PLA2G6: variants seen among roughly 807,000 people sequenced by gnomAD.
PLA2G6 encodes 85/88 kDa calcium-independent phospholipase A2.
Under a neutral mutation model 83.8 loss-of-function variants are expected in PLA2G6, and 62 were observed. The observed-to-expected ratio is 0.74, with a 90% CI of 0.60 to 0.91. The LOEUF is 0.91. PLA2G6 is among the 40% of genes least tolerant of loss of function. The pLI is 0.00. For missense variants in PLA2G6, 944 were observed against 1,102.0 expected (o/e 0.86, Z 2.03); for synonymous variants, 417 against 449.8 (o/e 0.93, Z 0.92).
At chr22:38,125,195 T>C (rs989184885) in intron 10 of PLA2G6, among the ~76,000 whole-genome samples, 6 of 151,936 alleles carry the variant, frequency 3.9e-5, no homozygotes, top group African/African-American at 1.5e-4. Context: ...TGCGCATGTG[T>C]ATGTGTGTGC....
chr22:38,144,468 A>G (rs559407069), intron 3 of PLA2G6: 1 of 152,054 alleles, frequency 6.6e-6, no homozygotes, highest in Admixed American at 6.6e-5. Flanking sequence ...CGTCTCTACT[A>G]AAAAACACAA....
At chr22:38,176,084 C>T (rs1419141082) in intron 1 of PLA2G6, among the ~76,000 whole-genome samples, 1 of 152,182 alleles carries the variant, frequency 6.6e-6, no homozygotes, top group East Asian at 1.9e-4. Flanking sequence ...TAACGGCCCA[C>T]AAGGGGTTCG....
intron 7 of PLA2G6, chr22:38,130,083 C>T (rs11570690): frequency 0.03 from 7,154 of 242,324 alleles, 148 homozygotes; most frequent in Non-Finnish European, 0.043. Flanking sequence ...ACCTGGAGGC[C>T]GGGCAGGGGC....
At position 38,132,760 on chromosome 22, in the gene PLA2G6, C is replaced by T. The variant is rs924744776; in HGVS notation, c.1077+71G>A. 6.0e-6 allele frequency: 8 copies of T among 1,337,976 alleles called. No homozygotes were observed. The Admixed American group carries it at 8.0e-5, about 13-fold the overall frequency. 82.9% of individuals were successfully genotyped at this position (1,337,976 alleles called of 1,614,324 possible). On this transcript the variant is annotated intron_variant, in intron 7 of 16. Transcript: ENST00000332509. The surrounding 1 kb of genome is among the most constrained non-coding windows in gnomAD (Gnocchi z 5.0). ...AGGAGGGAGACAGTGGGGAGGAGGG[C>T]TCCAGTCCGGACAGCCCTCCTGCAT...
At chr22:38,121,423 T>C (rs186100339) in intron 11 of PLA2G6, among the ~76,000 whole-genome samples, 3 of 152,320 alleles carry the variant, frequency 2.0e-5, no homozygotes, top group Non-Finnish European at 4.4e-5. Flanking sequence ...TGATTTTGTA[T>C]TATTTTCCTT....
intron 6 of PLA2G6, 51 bp from the exon 7 acceptor site, chr22:38,133,064 C>A: frequency 6.6e-7 from 1 of 1,508,408 alleles, no homozygotes; most frequent in Admixed American, 2.0e-5. Flanking sequence ...GGAGCTGCCG[C>A]ACCCCGGGAC....
chr22:38,117,165 C>T (rs2087257038), intron 12 of PLA2G6, among the ~76,000 whole-genome samples: 1 of 152,064 alleles, frequency 6.6e-6, no homozygotes, highest in Non-Finnish European at 1.5e-5. Flanking sequence ...CCTCAAAACC[C>T]AAAATAGGAA....
intron 7 of PLA2G6, chr22:38,130,090 G>A (rs2088117930): frequency 4.1e-6 from 1 of 244,978 alleles, no homozygotes; most frequent in South Asian, 5.5e-5. Flanking sequence ...GGCCGGGCAG[G>A]GGCGCAGAGC....
intron 9 of PLA2G6, among the ~76,000 whole-genome samples, chr22:38,127,750 C>T (rs1031880370): frequency 6.6e-6 from 1 of 152,212 alleles, no homozygotes; most frequent in Non-Finnish European, 1.5e-5. Flanking sequence ...GGGATGTCTC[C>T]CTGGGCACCA....
chr22:38,169,178 G>T, intron 2 of PLA2G6, 40 bp downstream of exon 2: 1 of 1,492,454 alleles, frequency 6.7e-7, no homozygotes, highest in Non-Finnish European at 9.3e-7. Flanking sequence ...ACGTGGGGGA[G>T]TGAAAGGAGA....
At chr22:38,171,172 CAAA>C (rs35530438) in intron 1 of PLA2G6, among the ~76,000 whole-genome samples, 13 of 105,024 alleles carry the variant, frequency 1.2e-4, no homozygotes, top group African/African-American at 2.0e-4. Flanking sequence ...AACTCCGTCT[CAAA>C]AAAAAAAAAA....
chr22:38,143,018 G>C (rs1487999639), intron 4 of PLA2G6, 87 bp downstream of exon 4: 2 of 1,243,534 alleles, frequency 1.6e-6, no homozygotes, highest in Non-Finnish European at 2.4e-6. Context: ...AGAGGCCTGA[G>C]AGTGACACCT....
Position 38,132,211 on chromosome 22 carries a change from C to A in PLA2G6, c.1077+620G>T. 1 of 413,868 alleles carries A rather than the reference C, an allele frequency of 2.4e-6. No homozygotes were observed. Among genetic ancestry groups the A allele is most frequent in the South Asian group, 1.7e-5 (1 of 57,946 alleles). 25.6% of individuals were successfully genotyped at this position (413,868 alleles called of 1,614,324 possible). On this transcript the variant is annotated intron_variant, in intron 7 of 16. Transcript: ENST00000332509. This position sits in a 1 kb window ranked among gnomAD's most constrained non-coding sequence, Gnocchi z 5.0. ...TTCATACTCTAGATGTGTAACCAGA[C>A]AGTAAGGGCTTTGAGGGCAGGAACT...
In PLA2G6 at chr22:38,169,355, C is replaced by G. The variant is rs768726220; in HGVS notation, c.72G>C (p.Val24=). ...VTNLFSNPFR[V]KEVAVADYTS... is the part of the protein sequence containing the mutation. ...TGTAGTCGGCCACAGCCACCTCCTT[C>G]ACCCGGAATGGGTTAGAGAACAAGT... Residue 24 remains valine, a synonymous_variant, in exon 2 of 17, where the codon GTG becomes GTC. Transcript: ENST00000332509. 57 of 1,614,108 alleles carry G rather than the reference C, an allele frequency of 3.5e-5. 1 individual carries two copies. The South Asian group carries it at 5.8e-4, about 16-fold the overall frequency.
chr22:38,173,986 G>A lies in PLA2G6; in HGVS notation c.-45-4515C>T, dbSNP rs376684726. Among the ~76,000 whole-genome samples, 322 of 151,912 alleles carry A rather than the reference G, an allele frequency of 2.1e-3. 1 individual carries two copies. The highest frequency in any genetic ancestry group is 7.5e-3 in the African/African-American group (309 of 41,422). On this transcript the variant is annotated intron_variant, in intron 1 of 16. Coordinates refer to ENST00000332509, the MANE Select transcript of PLA2G6 (RefSeq NM_003560.4). ...AGGATTGCTTGATCCTCTTGAGGTCGAGACTGCAGTGAGCCAAGATTGCAC... is the reference window on the plus strand; with the variant it reads ...AGGATTGCTTGATCCTCTTGAGGTCAAGACTGCAGTGAGCCAAGATTGCAC...
Position 38,169,328 on chromosome 22 carries a change from GGT to G in PLA2G6, c.97_98del (p.Thr33LeufsTer3). 6.2e-7 allele frequency: 1 copy of G among 1,614,174 alleles called. No individual in the cohort carries two copies. The highest frequency in any genetic ancestry group is 8.5e-7 in the Non-Finnish European group (1 of 1,180,014). ...CTTCCTCCCGAACTCGGTCACTCGA[GGT>G]GTAGTCGGCCACAGCCACCTCCTTC... ...RVKEVAVADYTSSDRVREEGQ... is the reference protein window; with the variant it reads ...RVKEVAVADYXSSDRVREEGQ... On this transcript the variant is annotated frameshift_variant, in exon 2 of 17. Coordinates refer to ENST00000332509, the MANE Select transcript of PLA2G6 (RefSeq NM_003560.4). LOFTEE classifies it high-confidence loss of function.
rs374942810 is a variant in PLA2G6, at chr22:38,115,517, C to A, written c.2034+10G>T. The stretch of plus-strand genomic sequence containing the variant: ...CAGTGGGTCCAGGCCCTCTGGCCTA[C>A]GGCACTCACCTTGCGGATCAGGTCC... On this transcript the variant is annotated intron_variant, in intron 14 of 16. Coordinates refer to ENST00000332509, the MANE Select transcript of PLA2G6 (RefSeq NM_003560.4). The A allele has an allele frequency of 1.1e-5, 17 of 1,611,308 alleles. No homozygotes were observed. The highest frequency in any genetic ancestry group is 1.4e-5 in the Non-Finnish European group (17 of 1,178,548).
chr22:38,112,901 CTCTCTCTT>C (rs2086969132), intron 15 of PLA2G6: 2 of 512,062 alleles, frequency 3.9e-6, no homozygotes, highest in Non-Finnish European at 7.1e-6. Context: ...CTCTCTCTCT[CTCTCTCTT>C]TCTTTCTTTC....
chr22:38,113,675 G>A (rs747282459), intron 14 of PLA2G6, 21 bp from the exon 15 acceptor site: 2 of 1,612,172 alleles, frequency 1.2e-6, no homozygotes, highest in East Asian at 4.5e-5. Context: ...CAGGACAGGG[G>A]CAGTCAGAAG....
Sources: allele counts gnomAD v4.1 joint callset (sites outside exome capture counted in the v4.1 genomes callset), GRCh38; gene constraint gnomAD v4.1.1; non-coding constraint Gnocchi (gnomAD v3.1); transcripts MANE v1.5; gene names NCBI Gene and HGNC (gene_info 2026-07-23, HGNC 2026-07-21).